ZNF236: variants seen among roughly 807,000 people sequenced by gnomAD.
ZNF236 encodes the protein zinc finger protein 236.
ZNF236 carries 50 observed loss-of-function variants against 191.2 expected under a neutral mutation model. The ratio of observed to expected loss-of-function variants is 0.26; its 90% CI spans 0.21 to 0.33. The LOEUF is 0.33. Ranked by LOEUF, ZNF236 falls within the 10% of genes least tolerant of loss-of-function variation. ZNF236 has a pLI of 1.00. For synonymous variants in ZNF236, 907 were observed against 928.8 expected (o/e 0.98, Z 0.43); for missense variants, 1,754 against 2,374.5 (o/e 0.74, Z 5.43).
chr18:76,919,906 G>A lies in ZNF236; in HGVS notation c.3405G>A (p.Thr1135=), dbSNP rs768677595. The change falls in exon 20 of 31, where the codon ACG becomes ACA. Residue 1135 remains threonine (T), a synonymous_variant. Transcript: ENST00000320610. The surrounding 1 kb of genome is among the most constrained non-coding windows in gnomAD (Gnocchi z 5.3). ...LAKIRPQESA[T]VSEKVLVQSA... Reference sequence around the variant, plus strand: ...AGATCCGGCCGCAGGAGAGCGCCACGGTGTCAGAGAAGGTCCTGGTGCAGT... The same window carrying A: ...AGATCCGGCCGCAGGAGAGCGCCACAGTGTCAGAGAAGGTCCTGGTGCAGT... 3.1e-5 allele frequency: 50 copies of A among 1,614,198 alleles called. No individual in the cohort carries two copies. The Middle Eastern group carries it at 6.6e-4, about 21-fold the overall frequency.
At chr18:76,826,864 A>T (rs1038844498) in intron 1 of ZNF236, among the ~76,000 whole-genome samples, 2 of 150,848 alleles carry the variant, frequency 1.3e-5, no homozygotes, top group South Asian at 2.1e-4. Flanking sequence ...CTTCATGTAC[A>T]CTAATTCCTG....
chr18:76,934,472 T>G (rs1389642081), intron 25 of ZNF236, among the ~76,000 whole-genome samples: 1 of 152,252 alleles, frequency 6.6e-6, no homozygotes, highest in Non-Finnish European at 1.5e-5. Context: ...CTTTTTGTTC[T>G]TACCTTCGTC....
intron 27 of ZNF236, among the ~76,000 whole-genome samples, chr18:76,953,507 T>A (rs1968457162): frequency 6.6e-6 from 1 of 152,210 alleles, no homozygotes; most frequent in African/African-American, 2.4e-5. Flanking sequence ...TAGCTTTGAA[T>A]AACTTAAAGT....
chr18:76,922,059 T>G (rs1194212749), intron 20 of ZNF236, among the ~76,000 whole-genome samples: 6 of 152,230 alleles, frequency 3.9e-5, no homozygotes, highest in African/African-American at 1.4e-4. Flanking sequence ...TTTCAAATTT[T>G]TACATATCAA....
At chr18:76,910,637 T>C in intron 15 of ZNF236, 23 bp from the exon 16 acceptor site, 1 of 1,600,698 alleles carries the variant, frequency 6.2e-7, no homozygotes, top group South Asian at 1.1e-5. Flanking sequence ...TTTGTAGAAC[T>C]CCTCTTTTCT....
At chr18:76,842,365 T>C (rs1975533376) in intron 1 of ZNF236, among the ~76,000 whole-genome samples, 1 of 152,168 alleles carries the variant, frequency 6.6e-6, no homozygotes, top group Non-Finnish European at 1.5e-5. Context: ...CTACTTTTTT[T>C]CTGTGGTTTT....
chr18:76,909,215 T>C (rs915677756), intron 14 of ZNF236, among the ~76,000 whole-genome samples: 2 of 149,846 alleles, frequency 1.3e-5, no homozygotes, highest in Non-Finnish European at 2.9e-5. Context: ...CATAGGAGGC[T>C]GAGGCAGGAG....
intron 19 of ZNF236, among the ~76,000 whole-genome samples, chr18:76,917,891 G>A (rs1052367708): frequency 2.0e-5 from 3 of 151,990 alleles, no homozygotes; most frequent in African/African-American, 7.3e-5. Flanking sequence ...GATGGACATT[G>A]AATCCACTGG....
chr18:76,880,491 C>T lies in ZNF236; in HGVS notation c.1188+175C>T, dbSNP rs151000089. Among the ~76,000 whole-genome samples the T allele has an allele frequency of 2.6e-5, 4 of 152,096 alleles. No individual in the cohort carries two copies. The highest frequency in any genetic ancestry group is 4.4e-5 in the Non-Finnish European group (3 of 67,996). On this transcript the variant is annotated intron_variant, in intron 8 of 30. Transcript: ENST00000320610. This position sits in a 1 kb window ranked among gnomAD's most constrained non-coding sequence, Gnocchi z 5.0. The stretch of plus-strand genomic sequence containing the variant: ...ACTTAATTGCTTATGGACGGCGCAA[C>T]ATTCAAATGATTTATTCATCTATAC...
intron 30 of ZNF236, among the ~76,000 whole-genome samples, chr18:76,965,271 A>G (rs762849919): frequency 1.3e-5 from 2 of 152,136 alleles, no homozygotes; most frequent in Non-Finnish European, 2.9e-5. Context: ...ATTTCATTGA[A>G]TATTTCTCCC....
At position 76,927,828 on chromosome 18, in the gene ZNF236, A is replaced by G; in HGVS notation, c.4415-99A>G. On this transcript the variant is annotated intron_variant, in intron 24 of 30. Coordinates refer to ENST00000320610, the MANE Select transcript of ZNF236 (RefSeq NM_001306089.2). The surrounding 1 kb of genome is among the most constrained non-coding windows in gnomAD (Gnocchi z 5.4). ...TGTTTTAAATCTTTGTCTTATTGAA[A>G]TATGTAATAACAGTTTAATTAAAAT... is the stretch of plus-strand genomic sequence containing the variant. 1.1e-6 allele frequency: 1 copy of G among 940,180 alleles called. No individual in the cohort carries two copies. The highest frequency in any genetic ancestry group is 1.7e-5 in the African/African-American group (1 of 59,684). 58.2% of individuals were successfully genotyped at this position (940,180 alleles called of 1,614,324 possible).
rs777338297 is a variant in ZNF236 at position 76,915,744 on chromosome 18, T to C, written c.3159T>C (p.Tyr1053=). 2 of 1,614,200 alleles carry C rather than the reference T, an allele frequency of 1.2e-6. No homozygotes were observed. Among genetic ancestry groups the C allele is most frequent in the Non-Finnish European group, 1.7e-6 (2 of 1,180,044 alleles). Residue 1053 remains tyrosine (Y), a synonymous_variant, in exon 19 of 31, where the codon TAT becomes TAC. Coordinates refer to ENST00000320610, the MANE Select transcript of ZNF236 (RefSeq NM_001306089.2). The stretch of plus-strand genomic sequence containing the variant: ...CCACACATATGAGCATGAAGCCTTA[T>C]AAGTGTCCGTTTTGTGAGGAGGGTT... ...HMATHMSMKP[Y]KCPFCEEGFR...
chr18:76,909,430 C>G (rs1967156659), intron 14 of ZNF236, among the ~76,000 whole-genome samples: 1 of 151,934 alleles, frequency 6.6e-6, no homozygotes, highest in Non-Finnish European at 1.5e-5. Flanking sequence ...TCTGTATGAT[C>G]TTTAGTATTC....
rs71172383 is a variant in ZNF236, at chr18:76,843,803, A to AAAAAAAATAAAAAG, written c.56-5721_56-5720insAAAAATAAAAAGAA. Among the ~76,000 whole-genome samples the AAAAAAAATAAAAAG allele has an allele frequency of 3.2e-5, 2 of 62,080 alleles. 1 individual carries two copies. Among genetic ancestry groups the AAAAAAAATAAAAAG allele is most frequent in the Non-Finnish European group, 5.6e-5 (2 of 35,430 alleles). The allele number at this position is 62,080 out of a possible 152,430, so 40.7% of individuals were successfully genotyped here. A position where few individuals can be genotyped will look rare whatever the true frequency, so the allele number is the denominator to read the frequency against. Reference sequence around the variant, plus strand: ...AAAAAAAAAAAAAAAAAAAAAAAAAAAAGTAAAGAAGAGACCGGGCGCAGT... The same window carrying AAAAAAAATAAAAAG: ...AAAAAAAAAAAAAAAAAAAAAAAAAAAAAAAAATAAAAAGAAGTAAAGAAGAGACCGGGCGCAGT... On this transcript the variant is annotated intron_variant, in intron 1 of 30. Transcript: ENST00000320610.
rs765019239 is a variant in ZNF236, at chr18:76,908,543, T to C, written c.2521T>C (p.Leu841=). 1 of 1,611,468 alleles carries C rather than the reference T, an allele frequency of 6.2e-7. No homozygotes were observed. The highest frequency in any genetic ancestry group is 1.7e-5 in the Admixed American group (1 of 60,010). Reference sequence around the variant, plus strand: ...GGAGGAAGCAGGGCTGGGCCAGCAGTTGGCAGATCAGCCCCTGGAAGCAGA... The same window carrying C: ...GGAGGAAGCAGGGCTGGGCCAGCAGCTGGCAGATCAGCCCCTGGAAGCAGA... ...GTEEAGLGQQ[L]ADQPLEADED... Residue 841 remains leucine, a synonymous_variant, in exon 14 of 31, where the codon TTG becomes CTG. Coordinates refer to ENST00000320610, the MANE Select transcript of ZNF236 (RefSeq NM_001306089.2).
intron 20 of ZNF236, among the ~76,000 whole-genome samples, chr18:76,920,509 C>T (rs547804167): frequency 6.6e-6 from 1 of 151,010 alleles, no homozygotes; most frequent in East Asian, 2.0e-4. Flanking sequence ...TGAGATCATG[C>T]CATTGCACTC....
At chr18:76,846,513 G>A (rs1975687445) in intron 1 of ZNF236, among the ~76,000 whole-genome samples, 1 of 152,190 alleles carries the variant, frequency 6.6e-6, no homozygotes, top group South Asian at 2.1e-4. Flanking sequence ...TGTGCCCCTA[G>A]GTAGAGCAAG....
chr18:76,936,231 ACTGGCACAGTGG>A, intron 25 of ZNF236: 1 of 443,064 alleles, frequency 2.3e-6, no homozygotes, highest in South Asian at 1.6e-5. Context: ...ATCCTTAGCA[ACTGGCACAGTGG>A]CTGGCACAAG....
intron 1 of ZNF236, among the ~76,000 whole-genome samples, chr18:76,835,521 C>T (rs116532158): frequency 6.6e-6 from 1 of 151,708 alleles, no homozygotes; most frequent in East Asian, 1.9e-4. Flanking sequence ...TATAGTAACT[C>T]TTATCATTAT....
Sources: allele counts gnomAD v4.1 joint callset (sites outside exome capture counted in the v4.1 genomes callset), GRCh38; gene constraint gnomAD v4.1.1; non-coding constraint Gnocchi (gnomAD v3.1); transcripts MANE v1.5; gene names NCBI Gene and HGNC (gene_info 2026-07-23, HGNC 2026-07-21).